SBNO1: variants seen among roughly 807,000 people sequenced by gnomAD.
SBNO1 encodes protein strawberry notch homolog 1.
In SBNO1, 23 loss-of-function variants were observed where a neutral mutation model predicts 173.6. That is an observed-to-expected ratio of 0.13 (90% CI 0.10 to 0.19). The LOEUF is 0.19. SBNO1 is among the 10% of genes least tolerant of loss of function. The probability of loss-of-function intolerance (pLI) is 1.00; values close to 1 mark genes in which losing one functional copy is unlikely to be tolerated. For synonymous variants in SBNO1, 632 were observed against 571.5 expected (o/e 1.11, Z -1.51); for missense variants, 1,238 against 1,671.2 (o/e 0.74, Z 4.52).
At chr12:123,326,080 G>T in intron 14 of SBNO1, 72 bp downstream of exon 14, 2 of 1,070,250 alleles carry the variant, frequency 1.9e-6, no homozygotes, top group Non-Finnish European at 2.6e-6. Flanking sequence ...TTTACAAGCA[G>T]AAAACCTCAG....
chr12:123,329,089 C>A (rs1870897826), intron 9 of SBNO1, among the ~76,000 whole-genome samples, 194 bp from the exon 10 acceptor site: 1 of 152,088 alleles, frequency 6.6e-6, no homozygotes, highest in African/African-American at 2.4e-5. Context: ...GTACAAAAAT[C>A]CAGTTTTTGG....
chr12:123,343,537 CTTTT>C (rs58841947), intron 4 of SBNO1, among the ~76,000 whole-genome samples: 81 of 135,480 alleles, frequency 6.0e-4, no homozygotes, highest in African/African-American at 2.0e-3. Context: ...CACTTACCAT[CTTTT>C]TTTTTTTTTT....
chr12:123,296,115 G>A (rs1171079322), intron 31 of SBNO1, 65 bp from the exon 32 acceptor site: 2 of 1,028,996 alleles, frequency 1.9e-6, no homozygotes, highest in Non-Finnish European at 3.0e-6. Flanking sequence ...CAGCTTCACA[G>A]CAGATTCCAA....
At chr12:123,311,354 C>G (rs1002429797) in intron 24 of SBNO1, among the ~76,000 whole-genome samples, 3 of 152,160 alleles carry the variant, frequency 2.0e-5, no homozygotes, top group South Asian at 2.1e-4. Context: ...TGTATTAACT[C>G]TCTTCATTAT....
intron 1 of SBNO1, chr12:123,364,129 T>C: frequency 1.0e-6 from 1 of 985,546 alleles, no homozygotes; most frequent in Non-Finnish European, 1.2e-6. Context: ...AGCCTGCACG[T>C]GTCCCCCGCG....
At chr12:123,354,810 G>A (rs1193931869) in intron 1 of SBNO1, among the ~76,000 whole-genome samples, 1 of 152,096 alleles carries the variant, frequency 6.6e-6, no homozygotes. Context: ...ATTTACCATG[G>A]AGCAGTCTGA....
chr12:123,345,632 C>T, intron 3 of SBNO1, 62 bp from the exon 4 acceptor site: 1 of 1,378,532 alleles, frequency 7.3e-7, no homozygotes, highest in Non-Finnish European at 1.0e-6. Context: ...AAGCTTATAT[C>T]CACAAACCTG....
intron 9 of SBNO1, among the ~76,000 whole-genome samples, chr12:123,330,051 T>C (rs894164154): frequency 1.1e-4 from 16 of 152,314 alleles, no homozygotes; most frequent in Admixed American, 9.8e-4. Flanking sequence ...TGGTGACCTA[T>C]AGTGCAAGGT....
At chr12:123,299,346 C>A (rs1337222870) in intron 30 of SBNO1, among the ~76,000 whole-genome samples, 4 of 149,858 alleles carry the variant, frequency 2.7e-5, no homozygotes, top group African/African-American at 9.9e-5. Context: ...CCAGCCTGGG[C>A]AACAGAGTGA....
At chr12:123,333,993 C>T (rs1484537567) in intron 7 of SBNO1, 60 bp downstream of exon 7, 2 of 1,115,428 alleles carry the variant, frequency 1.8e-6, no homozygotes, top group South Asian at 2.0e-5. Context: ...TAGATTGAAA[C>T]AACTCTGTTA....
At chr12:123,319,195 G>T (rs1869672350) in intron 20 of SBNO1, among the ~76,000 whole-genome samples, 1 of 151,982 alleles carries the variant, frequency 6.6e-6, no homozygotes, top group African/African-American at 2.4e-5. Context: ...TTGAACTCCT[G>T]ACCTCATGAT....
chr12:123,294,029 C>A lies in SBNO1; in HGVS notation c.*1879G>T, dbSNP rs2048548823. ...GGAGAGTGCTGCTCTTGGCTGCCAG[C>A]CGGGTCTAGCGGCCCTAACAAGGGA... On this transcript the variant is annotated 3_prime_UTR_variant, in exon 32 of 32. Transcript: ENST00000602398. 1.3e-5 allele frequency: 2 copies of A among 152,352 alleles called. No homozygotes were observed. The highest frequency in any genetic ancestry group is 1.3e-4 in the Admixed American group (2 of 15,280). 9.4% of individuals were successfully genotyped at this position (152,352 alleles called of 1,614,324 possible).
intron 23 of SBNO1, among the ~76,000 whole-genome samples, chr12:123,314,592 T>C (rs1869046175): frequency 6.6e-6 from 1 of 151,990 alleles, no homozygotes; most frequent in Non-Finnish European, 1.5e-5. Context: ...TCTCCCAAAG[T>C]GCTGGATTAC....
intron 24 of SBNO1, 147 bp downstream of exon 24, chr12:123,313,472 AT>A (rs1383828220): frequency 2.0e-6 from 1 of 499,630 alleles, no homozygotes; most frequent in East Asian, 3.0e-5. Context: ...ATACAAGATA[AT>A]TATGTGTCCT....
chr12:123,319,818 A>G (rs1220567534), intron 20 of SBNO1, 82 bp downstream of exon 20: 13 of 1,251,494 alleles, frequency 1.0e-5, no homozygotes, highest in Non-Finnish European at 1.4e-5. Context: ...ACTTATATTA[A>G]AAGGAAAAAG....
At chr12:123,328,478 T>C (rs1593370907) in intron 10 of SBNO1, among the ~76,000 whole-genome samples, 1 of 152,172 alleles carries the variant, frequency 6.6e-6, no homozygotes, top group Admixed American at 6.5e-5. Context: ...GCAATGTTAA[T>C]CCTCAAAAGG....
intron 1 of SBNO1, 68 bp from the exon 2 acceptor site, chr12:123,350,509 T>G: frequency 8.0e-7 from 1 of 1,247,138 alleles, no homozygotes; most frequent in Non-Finnish European, 1.2e-6. Context: ...CCCCTCTAAA[T>G]ATAAACAATC....
rs753185977 is a variant in SBNO1, at chr12:123,291,271, T to C, written c.*4637A>G. 13 of 152,208 alleles carry C rather than the reference T, an allele frequency of 8.5e-5. No individual in the cohort carries two copies. The highest frequency in any genetic ancestry group is 1.3e-4 in the Non-Finnish European group (9 of 68,032). 9.4% of individuals were successfully genotyped at this position (152,208 alleles called of 1,614,324 possible). On this transcript the variant is annotated 3_prime_UTR_variant, in exon 32 of 32. Transcript: ENST00000602398. ...ACCACTGTTTCAAATCTGCAAGATT[T>C]TCCTATCAGGTGGGAAGACAGAGAT... is the stretch of plus-strand genomic sequence containing the variant.
intron 1 of SBNO1, 134 bp downstream of exon 1, chr12:123,364,567 G>A (rs1306523451): frequency 6.1e-6 from 6 of 983,886 alleles, no homozygotes; most frequent in African/African-American, 5.2e-5. Context: ...GCGGCAAGCG[G>A]CGAGGGAGGC....
Sources: allele counts gnomAD v4.1 joint callset (sites outside exome capture counted in the v4.1 genomes callset), GRCh38; gene constraint gnomAD v4.1.1; transcripts MANE v1.5; gene names NCBI Gene and HGNC (gene_info 2026-07-23, HGNC 2026-07-21).